Variants in FTO observed in about 807,000 individuals in gnomAD.
FTO encodes the protein alpha-ketoglutarate-dependent dioxygenase FTO.
In FTO, 47 loss-of-function variants were observed where a neutral mutation model predicts 63.9. The ratio of observed to expected loss-of-function variants is 0.74; its 90% confidence interval spans 0.58 to 0.94. The LOEUF is 0.94. FTO is among the 40% of genes least tolerant of loss of function. The pLI is 0.00. For missense variants in FTO, 562 were observed against 618.1 expected (o/e 0.91, Z 0.96); for synonymous variants, 207 against 224.4 (o/e 0.92, Z 0.69).
intron 1 of FTO, among the ~76,000 whole-genome samples, chr16:53,781,923 A>G (rs916558285): frequency 6.6e-6 from 1 of 152,100 alleles, no homozygotes; most frequent in African/African-American, 2.4e-5. Flanking sequence ...TGGCACGTGA[A>G]CTTCTCTACA....
rs1035044876 is a variant in FTO at position 53,985,252 on chromosome 16, G to T, written c.1364+51143G>T. Among the ~76,000 whole-genome samples the T allele has an allele frequency of 5.3e-5, 8 of 152,284 alleles. No individual in the cohort carries two copies. The East Asian group carries it at 1.5e-3, about 29-fold the overall frequency. ...TCTCAACACACTGTGAAACTTAATG[G>T]ACACCCTTTGTAGAAAGTGAGGAAC... On this transcript the variant is annotated intron_variant, in intron 8 of 8. Transcript: ENST00000471389.
At position 54,116,674 on chromosome 16, in the gene FTO, C is replaced by T. The variant is rs988635652; in HGVS notation, c.*4759C>T. On this transcript the variant is annotated 3_prime_UTR_variant, in exon 9 of 9. Transcript: ENST00000471389. ...ACTTCCTGCAAGACAGCAAGGGCAC[C>T]CCTGGGCCACTGCTGTGTTTGGGAG... 4 of 151,900 alleles carry T rather than the reference C, an allele frequency of 2.6e-5. No individual in the cohort carries two copies. Among genetic ancestry groups the T allele is most frequent in the Admixed American group, 2.6e-4 (4 of 15,246 alleles). The allele number at this position is 151,900 out of a possible 1,614,324, so 9.4% of individuals were successfully genotyped here. A position where few individuals can be genotyped will look rare whatever the true frequency, so the allele number is the denominator to read the frequency against.
At chr16:54,025,789 G>A (rs893175207) in intron 8 of FTO, among the ~76,000 whole-genome samples, 3 of 152,220 alleles carry the variant, frequency 2.0e-5, no homozygotes, top group Non-Finnish European at 4.4e-5. Context: ...AAGACAGGCG[G>A]ATCACCTGAG....
chr16:54,104,188 T>G (rs1469829297), intron 8 of FTO, among the ~76,000 whole-genome samples: 1 of 152,144 alleles, frequency 6.6e-6, no homozygotes, highest in African/African-American at 2.4e-5. Flanking sequence ...CACGCTCCCT[T>G]TAAAGCAAAA....
chr16:53,840,427 T>G (rs552358950), intron 3 of FTO, among the ~76,000 whole-genome samples: 20 of 152,376 alleles, frequency 1.3e-4, no homozygotes, highest in African/African-American at 4.8e-4. Flanking sequence ...AATTATTTTA[T>G]GCAGCCTCAA....
chr16:53,862,475 C>T (rs2080202804), intron 4 of FTO, among the ~76,000 whole-genome samples: 2 of 151,766 alleles, frequency 1.3e-5, no homozygotes, highest in African/African-American at 2.4e-5. Context: ...CTGGTCTTTT[C>T]ACAACCTTGG....
At chr16:54,092,413 C>T (rs543366512) in intron 8 of FTO, among the ~76,000 whole-genome samples, 1 of 152,144 alleles carries the variant, frequency 6.6e-6, no homozygotes, top group African/African-American at 2.4e-5. Context: ...ATTAAACTTG[C>T]CTTTAAACTG....
chr16:53,833,983 G>A (rs1473395052), intron 3 of FTO, among the ~76,000 whole-genome samples: 1 of 151,886 alleles, frequency 6.6e-6, no homozygotes, highest in African/African-American at 2.4e-5. Flanking sequence ...TTCCTTATCA[G>A]ATATATGACT....
At chr16:53,739,496 G>A (rs2076480839) in intron 1 of FTO, among the ~76,000 whole-genome samples, 1 of 151,920 alleles carries the variant, frequency 6.6e-6, no homozygotes, top group African/African-American at 2.4e-5. Flanking sequence ...TTACAGGTGT[G>A]AGCCACTGTG....
intron 1 of FTO, among the ~76,000 whole-genome samples, chr16:53,751,044 A>G (rs2151570171): frequency 6.6e-6 from 1 of 152,348 alleles, no homozygotes; most frequent in East Asian, 1.9e-4. Context: ...GGAAGGTTTT[A>G]AAACAGATGT....
At chr16:53,717,272 T>G (rs1229882045) in intron 1 of FTO, among the ~76,000 whole-genome samples, 1 of 152,118 alleles carries the variant, frequency 6.6e-6, no homozygotes, top group Admixed American at 6.5e-5. Context: ...GAATGCTTAT[T>G]GGTACATCCA....
intron 1 of FTO, among the ~76,000 whole-genome samples, chr16:53,776,904 A>G (rs960204467): frequency 2.6e-5 from 4 of 152,056 alleles, no homozygotes; most frequent in African/African-American, 9.7e-5. Context: ...TTATTCCAAA[A>G]CTTGTCAAGT....
At chr16:53,705,058 C>G (rs1401737686) in intron 1 of FTO, among the ~76,000 whole-genome samples, 1 of 151,466 alleles carries the variant, frequency 6.6e-6, no homozygotes, top group Non-Finnish European at 1.5e-5. Context: ...ACCAAGCTAC[C>G]ATTATCTTTT....
chr16:53,778,552 T>C (rs1160886775), intron 1 of FTO, among the ~76,000 whole-genome samples: 1 of 152,214 alleles, frequency 6.6e-6, no homozygotes, highest in East Asian at 1.9e-4. Flanking sequence ...AGTATTGATC[T>C]TGTGGAACCT....
chr16:54,109,053 G>A (rs180854351), intron 8 of FTO, among the ~76,000 whole-genome samples: 1 of 152,204 alleles, frequency 6.6e-6, no homozygotes, highest in Admixed American at 6.5e-5. Flanking sequence ...AATATCATTT[G>A]AGTTGGGGAT....
chr16:53,728,240 T>TA (rs57955379), intron 1 of FTO, among the ~76,000 whole-genome samples: 11 of 148,926 alleles, frequency 7.4e-5, no homozygotes, highest in African/African-American at 1.2e-4. Context: ...CCCTGTCTCT[T>TA]AAAAAAAAAA....
chr16:53,970,616 A>G (rs2083295603), intron 8 of FTO, among the ~76,000 whole-genome samples: 1 of 151,894 alleles, frequency 6.6e-6, no homozygotes, highest in Non-Finnish European at 1.5e-5. Flanking sequence ...AAGAAAAGAA[A>G]AAAGAAAAAG....
At chr16:53,922,674 T>C (rs995389656) in intron 7 of FTO, among the ~76,000 whole-genome samples, 2 of 152,144 alleles carry the variant, frequency 1.3e-5, no homozygotes, top group African/African-American at 4.8e-5. Flanking sequence ...AAGATCTTAG[T>C]AGTGGGTGAA....
chr16:53,839,769 CTTTTTTTTTATTTATT>C (rs1464167640), intron 3 of FTO, among the ~76,000 whole-genome samples: 1 of 144,152 alleles, frequency 6.9e-6, no homozygotes, highest in Admixed American at 7.1e-5. Context: ...AATTGGTTTT[CTTTTTTTTTATTTATT>C]TATTTATTTA....
Sources: gnomAD v4.1 joint callset for allele counts (sites outside exome capture counted in the v4.1 genomes callset) on GRCh38, gnomAD v4.1.1 for gene constraint, MANE v1.5 for transcripts, NCBI Gene and HGNC (gene_info 2026-07-23, HGNC 2026-07-21) for gene names.